Variants in HS3ST4 observed in about 807,000 individuals in gnomAD.
HS3ST4 encodes heparan sulfate glucosamine 3-O-sulfotransferase 4.
A neutral mutation model predicts 29.2 loss-of-function variants in HS3ST4; 17 were observed. The ratio of observed to expected loss-of-function variants is 0.58; its 90% CI spans 0.40 to 0.87. The LOEUF (loss-of-function observed/expected upper bound fraction) is 0.87, where lower values mean the gene tolerates loss of function less well. Among genes scored for constraint, HS3ST4 ranks in the 40% least tolerant of loss-of-function variants. The pLI is 0.00. For missense variants in HS3ST4, 627 were observed against 634.5 expected, an observed-to-expected ratio of 0.99 and a Z score of 0.13; for synonymous variants, 314 against 285.7, an observed-to-expected ratio of 1.10 and a Z score of -1.00.
chr16:25,900,780 GGGACCTCAGGGAGTGACA>G, intron 1 of HS3ST4, among the ~76,000 whole-genome samples: 2 of 133,752 alleles, frequency 1.5e-5, no homozygotes, highest in Non-Finnish European at 3.6e-5. Context: ...ACTGTAACAT[GGGACCTCAGGGAGTGACA>G]TGGGACCTCA....
intron 1 of HS3ST4, among the ~76,000 whole-genome samples, chr16:25,782,255 T>G (rs1324208059): frequency 1.3e-5 from 2 of 152,140 alleles, no homozygotes; most frequent in African/African-American, 4.8e-5. Context: ...CCTTAACACC[T>G]GGGGATTACA....
At chr16:25,839,083 A>C (rs1232464579) in intron 1 of HS3ST4, among the ~76,000 whole-genome samples, 2 of 151,564 alleles carry the variant, frequency 1.3e-5, no homozygotes, top group African/African-American at 4.9e-5. Flanking sequence ...CTGAGTAAAA[A>C]GTCTTGAAAT....
intron 1 of HS3ST4, among the ~76,000 whole-genome samples, chr16:25,704,413 A>C (rs955932443): frequency 6.6e-6 from 1 of 152,164 alleles, no homozygotes; most frequent in South Asian, 2.1e-4. Flanking sequence ...TTGGAAGGGC[A>C]AGTGACATTC....
At chr16:26,033,671 A>G (rs775472750) in intron 1 of HS3ST4, among the ~76,000 whole-genome samples, 2 of 152,040 alleles carry the variant, frequency 1.3e-5, no homozygotes, top group Admixed American at 6.5e-5. Context: ...GCAGTGAGCC[A>G]TGATCACACC....
At chr16:26,060,428 T>C (rs1025310064) in intron 1 of HS3ST4, among the ~76,000 whole-genome samples, 1 of 152,202 alleles carries the variant, frequency 6.6e-6, no homozygotes, top group African/African-American at 2.4e-5. Context: ...CTGGTGGCCA[T>C]TGAGTTGCTG....
At chr16:26,072,893 A>G (rs1898617671) in intron 1 of HS3ST4, among the ~76,000 whole-genome samples, 1 of 152,242 alleles carries the variant, frequency 6.6e-6, no homozygotes, top group South Asian at 2.1e-4. Context: ...CGACTTGTTC[A>G]TGTTGAGCCA....
intron 1 of HS3ST4, among the ~76,000 whole-genome samples, chr16:25,934,879 G>T (rs374758589): frequency 2.0e-5 from 3 of 152,162 alleles, no homozygotes; most frequent in Admixed American, 6.5e-5. Flanking sequence ...CCGCAACCAC[G>T]CATAGCCTCC....
At chr16:25,763,546 T>C (rs1966801483) in intron 1 of HS3ST4, among the ~76,000 whole-genome samples, 1 of 152,190 alleles carries the variant, frequency 6.6e-6, no homozygotes, top group Non-Finnish European at 1.5e-5. Context: ...GATGTAATTG[T>C]GTGCAGTAAT....
chr16:25,755,979 G>A (rs1442750335), intron 1 of HS3ST4, among the ~76,000 whole-genome samples: 3 of 152,116 alleles, frequency 2.0e-5, no homozygotes, highest in African/African-American at 7.2e-5. Flanking sequence ...TAGTTTGAGA[G>A]ATCTGTCTGA....
chr16:25,865,096 C>T (rs1291044119), intron 1 of HS3ST4, among the ~76,000 whole-genome samples: 1 of 152,088 alleles, frequency 6.6e-6, no homozygotes, highest in Non-Finnish European at 1.5e-5. Context: ...TGGAACAATG[C>T]TGGTATGAGC....
At chr16:25,927,352 G>A (rs562607246) in intron 1 of HS3ST4, among the ~76,000 whole-genome samples, 2 of 152,184 alleles carry the variant, frequency 1.3e-5, no homozygotes, top group East Asian at 3.9e-4. Context: ...ATGTAGGATG[G>A]GCTTGTGACA....
intron 1 of HS3ST4, among the ~76,000 whole-genome samples, chr16:25,979,138 C>A (rs1413592995): frequency 6.6e-6 from 1 of 152,128 alleles, no homozygotes; most frequent in African/African-American, 2.4e-5. Flanking sequence ...CTCAGGTGAT[C>A]CGCCTGCCTC....
At chr16:25,978,988 C>T (rs1483489119) in intron 1 of HS3ST4, among the ~76,000 whole-genome samples, 5 of 149,420 alleles carry the variant, frequency 3.3e-5, no homozygotes, top group African/African-American at 1.2e-4. Context: ...ACCTCCACCT[C>T]CCGGGTTCAA....
chr16:25,954,080 G>T (rs1383988885), intron 1 of HS3ST4, among the ~76,000 whole-genome samples: 2 of 152,174 alleles, frequency 1.3e-5, no homozygotes. Context: ...TAGGAGAACT[G>T]GCAGCAATTG....
At chr16:25,724,410 CTGG>C (rs1966518025) in intron 1 of HS3ST4, among the ~76,000 whole-genome samples, 1 of 149,438 alleles carries the variant, frequency 6.7e-6, no homozygotes, top group African/African-American at 2.5e-5. Context: ...GTCACCCAAG[CTGG>C]AGTGTGATGG....
intron 1 of HS3ST4, among the ~76,000 whole-genome samples, chr16:25,966,170 A>G (rs1567283230): frequency 6.6e-6 from 1 of 152,216 alleles, no homozygotes; most frequent in Non-Finnish European, 1.5e-5. Context: ...ACTGAGGCCC[A>G]CAGAGATTAA....
At position 25,693,171 on chromosome 16, in the gene HS3ST4, G is replaced by A. The variant is rs1213185782; in HGVS notation, c.734+20G>A. On this transcript the variant is annotated intron_variant, in intron 1 of 1. Transcript: ENST00000331351. Reference sequence around the variant, plus strand: ...GTACAGGTAGGACCCTGGGCTCCGCGGGCTGGTGGAGACGCGTGGGGGAGA... The same window carrying A: ...GTACAGGTAGGACCCTGGGCTCCGCAGGCTGGTGGAGACGCGTGGGGGAGA... 5.8e-6 allele frequency: 9 copies of A among 1,544,652 alleles called. No individual in the cohort carries two copies. The highest frequency in any genetic ancestry group is 1.4e-5 in the African/African-American group (1 of 71,444).
intron 1 of HS3ST4, among the ~76,000 whole-genome samples, chr16:26,112,154 G>A (rs982487750): frequency 6.6e-6 from 1 of 152,034 alleles, no homozygotes; most frequent in Non-Finnish European, 1.5e-5. Context: ...TGGAGTCCAT[G>A]GAAGCTCATA....
intron 1 of HS3ST4, among the ~76,000 whole-genome samples, chr16:26,054,315 A>G (rs535025410): frequency 8.5e-4 from 127 of 149,756 alleles, no homozygotes; most frequent in Admixed American, 2.4e-3. Flanking sequence ...GAGGAGGAAG[A>G]AGAAGAAGAA....
Sources: allele counts gnomAD v4.1 joint callset (sites outside exome capture counted in the v4.1 genomes callset), GRCh38; gene constraint gnomAD v4.1.1; transcripts MANE v1.5; gene names NCBI Gene and HGNC (gene_info 2026-07-23, HGNC 2026-07-21).